The following SH3BGRL2 variants were observed in gnomAD, a reference collection of about 807,000 sequenced individuals.
SH3BGRL2 encodes SH3 domain binding glutamate rich protein like 2, also known as SH3 domain-binding glutamic acid-rich-like protein 2.
Under a neutral mutation model 14.8 loss-of-function variants are expected in SH3BGRL2, and 21 were observed. The ratio of observed to expected loss-of-function variants is 1.42; its 90% confidence interval spans 1.01 to 2.05. The LOEUF is 2.05. Among genes scored for constraint, SH3BGRL2 ranks in the 30% most tolerant of loss-of-function variants. The pLI is 0.00. For missense variants in SH3BGRL2, 147 were observed against 130.8 expected, an observed-to-expected ratio of 1.12 and a Z score of -0.61; for synonymous variants, 50 against 47.8, an observed-to-expected ratio of 1.05 and a Z score of -0.19.
chr6:79,605,007 T>C, the SH3BGRL2 span, among the ~76,000 whole-genome samples: 1 of 152,246 alleles, frequency 6.6e-6, no homozygotes, highest in Non-Finnish European at 1.5e-5. Context: ...ATTTTGCCAC[T>C]TGTCTCCTTA....
At chr6:79,655,920 A>T (rs1769401706) in intron 1 of SH3BGRL2, among the ~76,000 whole-genome samples, 1 of 152,170 alleles carries the variant, frequency 6.6e-6, no homozygotes, top group Non-Finnish European at 1.5e-5. Flanking sequence ...GATTCACCCA[A>T]GGGTGGAAAG....
At chr6:79,540,051 G>T in the SH3BGRL2 span, among the ~76,000 whole-genome samples, 1 of 152,242 alleles carries the variant, frequency 6.6e-6, no homozygotes, top group African/African-American at 2.4e-5. Context: ...TAAATAGTTG[G>T]TTTTAGCATA....
chr6:79,576,858 T>C, the SH3BGRL2 span, among the ~76,000 whole-genome samples: 2 of 152,202 alleles, frequency 1.3e-5, no homozygotes, highest in Admixed American at 6.5e-5. Context: ...TTTCTAGAAT[T>C]TCCTATAAAT....
chr6:79,597,364 G>A, the SH3BGRL2 span, among the ~76,000 whole-genome samples: 11 of 150,310 alleles, frequency 7.3e-5, no homozygotes, highest in South Asian at 2.4e-3. Context: ...AAGGATGGAA[G>A]GAAGGGAGGA....
intron 1 of SH3BGRL2, among the ~76,000 whole-genome samples, chr6:79,640,503 C>G (rs1165048975): frequency 6.6e-6 from 1 of 152,238 alleles, no homozygotes; most frequent in East Asian, 1.9e-4. Context: ...CACTTTTAGG[C>G]TGGCACAGCC....
chr6:79,688,509 G>T (rs192640617), intron 2 of SH3BGRL2, among the ~76,000 whole-genome samples: 1 of 152,200 alleles, frequency 6.6e-6, no homozygotes, highest in Admixed American at 6.5e-5. Flanking sequence ...ATTACAAAAG[G>T]TTGATTGTCC....
intron 2 of SH3BGRL2, among the ~76,000 whole-genome samples, chr6:79,695,135 C>T (rs1159500949): frequency 6.6e-6 from 1 of 152,204 alleles, no homozygotes; most frequent in Admixed American, 6.5e-5. Flanking sequence ...CCCAGTCCTT[C>T]ACTTGGCTAA....
At chr6:79,615,741 A>T in the SH3BGRL2 span, among the ~76,000 whole-genome samples, 1 of 148,120 alleles carries the variant, frequency 6.8e-6, no homozygotes, top group Admixed American at 6.8e-5. Context: ...AATGCCAAAT[A>T]ATTTCTAGTT....
intron 1 of SH3BGRL2, among the ~76,000 whole-genome samples, chr6:79,667,892 C>T (rs145709665): frequency 9.6e-4 from 146 of 152,196 alleles, no homozygotes; most frequent in African/African-American, 2.9e-3. Flanking sequence ...ATACTTCCCC[C>T]GGCCCCACCT....
the SH3BGRL2 span, among the ~76,000 whole-genome samples, chr6:79,590,878 CA>C: frequency 2.0e-5 from 3 of 152,074 alleles, no homozygotes; most frequent in African/African-American, 7.2e-5. Flanking sequence ...AATATTTTGA[CA>C]CAAACATTTT....
intron 1 of SH3BGRL2, among the ~76,000 whole-genome samples, chr6:79,668,099 G>A (rs561769728): frequency 6.6e-6 from 1 of 152,252 alleles, no homozygotes; most frequent in South Asian, 2.1e-4. Context: ...TGTATACCCT[G>A]GAATTCAAAC....
upstream of SH3BGRL2, among the ~76,000 whole-genome samples, chr6:79,626,717 C>T (rs1056134771): frequency 3.9e-5 from 6 of 152,088 alleles, no homozygotes; most frequent in African/African-American, 1.2e-4. Flanking sequence ...TTTTAAAAAT[C>T]AAGCCAACAT....
chr6:79,661,811 G>GCTC (rs1486696714), intron 1 of SH3BGRL2, among the ~76,000 whole-genome samples: 1 of 152,092 alleles, frequency 6.6e-6, no homozygotes, highest in Non-Finnish European at 1.5e-5. Context: ...GAATCTGGGT[G>GCTC]CTCCTGTATT....
intron 2 of SH3BGRL2, among the ~76,000 whole-genome samples, chr6:79,685,499 T>TA (rs1245793805): frequency 2.4e-4 from 37 of 152,198 alleles, no homozygotes; most frequent in African/African-American, 8.9e-4. Flanking sequence ...CATGTATTAA[T>TA]ATCTATATTC....
At chr6:79,591,895 A>G in the SH3BGRL2 span, among the ~76,000 whole-genome samples, 1 of 152,224 alleles carries the variant, frequency 6.6e-6, no homozygotes, top group East Asian at 1.9e-4. Flanking sequence ...TCACACTGGT[A>G]TTATTATATA....
the SH3BGRL2 span, among the ~76,000 whole-genome samples, chr6:79,563,726 T>G: frequency 6.6e-6 from 1 of 152,028 alleles, no homozygotes; most frequent in Non-Finnish European, 1.5e-5. Flanking sequence ...GCTGCATGAG[T>G]GAGTCTAGGT....
At chr6:79,592,031 G>T in the SH3BGRL2 span, among the ~76,000 whole-genome samples, 2 of 152,190 alleles carry the variant, frequency 1.3e-5, no homozygotes, top group East Asian at 3.9e-4. Flanking sequence ...CAGAGATAAA[G>T]ATAACAACAC....
the SH3BGRL2 span, among the ~76,000 whole-genome samples, chr6:79,593,636 C>A: frequency 6.6e-6 from 1 of 152,128 alleles, no homozygotes; most frequent in East Asian, 1.9e-4. Flanking sequence ...GAAAAAAATA[C>A]ATTGCATATT....
chr6:79,625,604 A>C, the SH3BGRL2 span, among the ~76,000 whole-genome samples: 1 of 152,182 alleles, frequency 6.6e-6, no homozygotes, highest in Non-Finnish European at 1.5e-5. Flanking sequence ...GAAAGTTAAA[A>C]TCACACACAT....
Sources: gnomAD v4.1 joint callset for allele counts (sites outside exome capture counted in the v4.1 genomes callset) on GRCh38, gnomAD v4.1.1 for gene constraint, MANE v1.5 for transcripts, NCBI Gene and HGNC (gene_info 2026-07-23, HGNC 2026-07-21) for gene names.